The following FAM171A1 variants were observed in gnomAD, a reference collection of about 807,000 sequenced individuals.
FAM171A1 encodes the protein protein FAM171A1.
FAM171A1 carries 23 observed loss-of-function variants against 74.9 expected under a neutral mutation model. The observed-to-expected ratio is 0.31, with a 90% CI of 0.22 to 0.44. FAM171A1 has a LOEUF of 0.44. Among genes scored for constraint, FAM171A1 ranks in the 20% least tolerant of loss-of-function variants. The pLI is 1.00. For synonymous variants in FAM171A1, 527 were observed against 505.7 expected (o/e 1.04, Z -0.57); for missense variants, 1,162 against 1,159.2 (o/e 1.00, Z -0.03).
upstream of FAM171A1, among the ~76,000 whole-genome samples, chr10:15,371,553 G>T (rs1396958424): frequency 1.3e-5 from 2 of 152,058 alleles, no homozygotes; most frequent in Non-Finnish European, 2.9e-5. Flanking sequence ...ATCTGGGTGT[G>T]ACCCCCCCAC....
At chr10:15,235,077 A>G (rs944215180) in intron 5 of FAM171A1, among the ~76,000 whole-genome samples, 9 of 152,120 alleles carry the variant, frequency 5.9e-5, no homozygotes, top group African/African-American at 2.2e-4. Flanking sequence ...TGGGAGGTCC[A>G]GGAGGGCCGA....
At chr10:15,236,320 C>T (rs1257217102) in intron 5 of FAM171A1, among the ~76,000 whole-genome samples, 1 of 150,376 alleles carries the variant, frequency 6.6e-6, no homozygotes, top group East Asian at 1.9e-4. Flanking sequence ...TGCATATGGG[C>T]TAAATAATAG....
At chr10:15,279,327 C>A (rs1834936527) in intron 2 of FAM171A1, among the ~76,000 whole-genome samples, 1 of 152,162 alleles carries the variant, frequency 6.6e-6, no homozygotes, top group Non-Finnish European at 1.5e-5. Context: ...TTCTAAAACA[C>A]ATGATTTCTT....
At chr10:15,216,482 G>T (rs375031061) in intron 6 of FAM171A1, among the ~76,000 whole-genome samples, 12 of 151,912 alleles carry the variant, frequency 7.9e-5, no homozygotes, top group African/African-American at 1.7e-4. Context: ...CCAGGCTGGA[G>T]CGCAGTGATA....
chr10:15,299,707 C>T (rs1457319707), intron 1 of FAM171A1, among the ~76,000 whole-genome samples: 2 of 151,930 alleles, frequency 1.3e-5, no homozygotes, highest in South Asian at 2.1e-4. Context: ...GGGCCGGGTG[C>T]GGTGGCTCAT....
At chr10:15,339,209 T>G (rs1280072898) in intron 1 of FAM171A1, among the ~76,000 whole-genome samples, 2 of 152,272 alleles carry the variant, frequency 1.3e-5, no homozygotes, top group Admixed American at 6.5e-5. Flanking sequence ...AGAATTCCTA[T>G]GTATCTCTCA....
chr10:15,228,924 C>A (rs1834145715), intron 5 of FAM171A1, among the ~76,000 whole-genome samples: 1 of 152,228 alleles, frequency 6.6e-6, no homozygotes, highest in African/African-American at 2.4e-5. Flanking sequence ...CACGTAAACA[C>A]TAAATGGCCT....
chr10:15,291,510 A>G (rs575586378), intron 1 of FAM171A1, among the ~76,000 whole-genome samples: 17 of 152,306 alleles, frequency 1.1e-4, no homozygotes, highest in African/African-American at 3.6e-4. Flanking sequence ...ATCATTGCAG[A>G]AAGTTCCTTT....
rs369641197 is a variant in FAM171A1 at position 15,300,408 on chromosome 10, T to C, written c.98-16303A>G. 5.7e-4 allele frequency among the ~76,000 whole-genome samples: 87 copies of C among 152,248 alleles called. 1 individual carries two copies. The highest frequency in any genetic ancestry group is 2.0e-3 in the African/African-American group (82 of 41,550). On this transcript the variant is annotated intron_variant, in intron 1 of 7. Coordinates refer to ENST00000378116, the MANE Select transcript of FAM171A1 (RefSeq NM_001010924.2). Reference sequence around the variant, plus strand: ...CTGTCATTTCTGTGTCCAGAAAATATGGATACCAACTTCTTGAAAACACTG... The same window carrying C: ...CTGTCATTTCTGTGTCCAGAAAATACGGATACCAACTTCTTGAAAACACTG...
intron 1 of FAM171A1, among the ~76,000 whole-genome samples, chr10:15,300,015 G>T (rs1210062030): frequency 1.3e-5 from 2 of 151,980 alleles, no homozygotes; most frequent in Non-Finnish European, 2.9e-5. Context: ...AGCTGAAGGG[G>T]CTTGCTGGAA....
At chr10:15,281,865 T>C (rs968526521) in intron 2 of FAM171A1, among the ~76,000 whole-genome samples, 1 of 151,630 alleles carries the variant, frequency 6.6e-6, no homozygotes, top group Non-Finnish European at 1.5e-5. Flanking sequence ...TCTCCAAAAA[T>C]AAAAAAATAA....
At chr10:15,218,360 T>G (rs1388948413) in intron 6 of FAM171A1, among the ~76,000 whole-genome samples, 3 of 152,184 alleles carry the variant, frequency 2.0e-5, no homozygotes, top group Non-Finnish European at 4.4e-5. Context: ...ATTACAGGCA[T>G]GAACCACCGT....
chr10:15,282,216 T>C (rs752956454), intron 2 of FAM171A1, among the ~76,000 whole-genome samples: 1 of 152,092 alleles, frequency 6.6e-6, no homozygotes, highest in Non-Finnish European at 1.5e-5. Flanking sequence ...GTCGCTGGGA[T>C]TACAGGCATG....
chr10:15,263,825 A>G (rs557616375), intron 3 of FAM171A1, among the ~76,000 whole-genome samples: 1 of 151,356 alleles, frequency 6.6e-6, no homozygotes, highest in South Asian at 2.1e-4. Flanking sequence ...TATCTAATCT[A>G]TCATCTATCT....
intron 6 of FAM171A1, among the ~76,000 whole-genome samples, chr10:15,217,787 G>A (rs915684764): frequency 6.6e-6 from 1 of 151,700 alleles, no homozygotes; most frequent in African/African-American, 2.4e-5. Context: ...ATAGGCGCCC[G>A]CCACCATGCC....
intron 1 of FAM171A1, among the ~76,000 whole-genome samples, chr10:15,306,418 G>A (rs1481064726): frequency 6.6e-6 from 1 of 150,594 alleles, no homozygotes; most frequent in Non-Finnish European, 1.5e-5. Flanking sequence ...AGGCTGTAGT[G>A]CAGTGGCACA....
intron 1 of FAM171A1, among the ~76,000 whole-genome samples, chr10:15,330,713 C>CTTTTTTTTTTTTTTTTTTTTT (rs898772126): frequency 1.3e-5 from 1 of 76,756 alleles, no homozygotes; most frequent in Non-Finnish European, 2.3e-5. Flanking sequence ...TCTTCTTCTT[C>CTTTTTTTTTTTTTTTTTTTTT]TTTTTTTTTT....
chr10:15,323,896 A>G (rs1835518104), intron 1 of FAM171A1, among the ~76,000 whole-genome samples: 1 of 152,194 alleles, frequency 6.6e-6, no homozygotes, highest in Non-Finnish European at 1.5e-5. Flanking sequence ...CATAGCACCT[A>G]CTTGCCAGGA....
At chr10:15,275,026 C>G (rs1834875289) in intron 3 of FAM171A1, among the ~76,000 whole-genome samples, 1 of 152,148 alleles carries the variant, frequency 6.6e-6, no homozygotes, top group Non-Finnish European at 1.5e-5. Flanking sequence ...ACCACATGTT[C>G]TCACTCATAG....
Sources: gnomAD v4.1 joint callset for allele counts (sites outside exome capture counted in the v4.1 genomes callset) on GRCh38, gnomAD v4.1.1 for gene constraint, MANE v1.5 for transcripts, NCBI Gene and HGNC (gene_info 2026-07-23, HGNC 2026-07-21) for gene names.